GNAL: variants seen among roughly 807,000 people sequenced by gnomAD.
GNAL encodes G protein subunit alpha L.
GNAL carries 18 observed loss-of-function variants against 55.1 expected under a neutral mutation model. That is an observed-to-expected ratio of 0.33 (90% CI 0.23 to 0.48). GNAL has a LOEUF of 0.48. Among genes scored for constraint, GNAL ranks in the 20% least tolerant of loss-of-function variants. The pLI, the probability that GNAL is intolerant of heterozygous loss-of-function variation, is 0.99. For synonymous variants in GNAL, 253 were observed against 237.0 expected (o/e 1.07, Z -0.62); for missense variants, 412 against 614.1 (o/e 0.67, Z 3.48).
chr18:11,848,929 C>T (rs1026728928), intron 5 of GNAL, among the ~76,000 whole-genome samples: 2 of 152,206 alleles, frequency 1.3e-5, no homozygotes, highest in Admixed American at 1.3e-4. Flanking sequence ...GGTCCCAATA[C>T]ATCCATGGAA....
At position 11,884,710 on chromosome 18, in the gene GNAL, T is replaced by C; in HGVS notation, c.*3575T>C. On this transcript the variant is annotated 3_prime_UTR_variant, in exon 12 of 12. Coordinates refer to ENST00000334049, the MANE Select transcript of GNAL (RefSeq NM_182978.4). ...GTCTTAGAAACAGCAGAGGGAAGAC[T>C]GCCTTCTCAGGTCCCCCTCAGGTGA... 4.1e-6 allele frequency: 6 copies of C among 1,454,326 alleles called. No homozygotes were observed. The allele number at this position is 1,454,326 out of a possible 1,614,324, so 90.1% of individuals were successfully genotyped here. A position where few individuals can be genotyped will look rare whatever the true frequency, so the allele number is the denominator to read the frequency against.
intron 5 of GNAL, among the ~76,000 whole-genome samples, chr18:11,827,738 G>A (rs1235490054): frequency 6.6e-6 from 1 of 152,172 alleles, no homozygotes; most frequent in African/African-American, 2.4e-5. Context: ...TTGGGAGGCC[G>A]AGATGGGCAG....
In GNAL at chr18:11,785,059, T is replaced by C. The variant is rs78921649; in HGVS notation, c.624+31114T>C. Among the ~76,000 whole-genome samples, 767 of 152,330 alleles carry C rather than the reference T, an allele frequency of 5.0e-3. 4 individuals carry two copies. The highest frequency in any genetic ancestry group is 0.017 in the African/African-American group (726 of 41,576). On this transcript the variant is annotated intron_variant, in intron 4 of 11. Coordinates refer to ENST00000334049, the MANE Select transcript of GNAL (RefSeq NM_182978.4). ...TAGTTTCTGCAAAGTCTGGAATTGC[T>C]GTGATTCATACTTTTTCCCAGTCCC...
chr18:11,869,077 G>T (rs906903987), intron 9 of GNAL, among the ~76,000 whole-genome samples: 2 of 152,118 alleles, frequency 1.3e-5, no homozygotes, highest in Non-Finnish European at 2.9e-5. Context: ...ATCCAGAACC[G>T]TACGAAGTAT....
chr18:11,795,804 G>A (rs1257849714), intron 4 of GNAL, among the ~76,000 whole-genome samples: 1 of 152,206 alleles, frequency 6.6e-6, no homozygotes, highest in Non-Finnish European at 1.5e-5. Flanking sequence ...TCCCTGTGTT[G>A]AAGGTCTGGA....
chr18:11,719,501 CTG>C (rs1481096452), intron 1 of GNAL, among the ~76,000 whole-genome samples: 1 of 152,188 alleles, frequency 6.6e-6, no homozygotes, highest in Non-Finnish European at 1.5e-5. Context: ...CAGAGGGAAA[CTG>C]AGACCATCAG....
rs112483187 is a variant in GNAL, at chr18:11,746,345, C to T, written c.377-6508C>T. On this transcript the variant is annotated intron_variant, in intron 1 of 11. Transcript: ENST00000334049. Reference sequence around the variant, plus strand: ...GAATTTAATGCCAGGTGCAGTGGCTCACACCTGTAATCCCAGCACTTTGGG... The same window carrying T: ...GAATTTAATGCCAGGTGCAGTGGCTTACACCTGTAATCCCAGCACTTTGGG... 3.1e-3 allele frequency: 967 copies of T among 314,010 alleles called. 7 individuals carry two copies. The highest frequency in any genetic ancestry group is 0.019 in the African/African-American group (874 of 45,988). 19.5% of individuals were successfully genotyped at this position (314,010 alleles called of 1,614,324 possible). A position where few individuals can be genotyped will look rare whatever the true frequency, so the allele number is the denominator to read the frequency against.
chr18:11,754,320 G>A (rs932621133), intron 4 of GNAL, among the ~76,000 whole-genome samples: 13 of 152,026 alleles, frequency 8.6e-5, no homozygotes, highest in African/African-American at 3.1e-4. Context: ...AAGAGGCTGA[G>A]GCAGGGGAAT....
intron 5 of GNAL, among the ~76,000 whole-genome samples, chr18:11,842,932 T>C (rs979256586): frequency 3.3e-5 from 5 of 152,216 alleles, no homozygotes; most frequent in African/African-American, 1.2e-4. Flanking sequence ...GTTGAGTGAC[T>C]TTAGGGTGTT....
intron 4 of GNAL, among the ~76,000 whole-genome samples, chr18:11,775,624 C>CA (rs1180554132): frequency 3.3e-5 from 5 of 152,168 alleles, no homozygotes; most frequent in African/African-American, 1.2e-4. Context: ...AGAGAAGTAC[C>CA]ACGGACAGCA....
intron 4 of GNAL, among the ~76,000 whole-genome samples, chr18:11,759,634 G>C (rs546239220): frequency 6.6e-6 from 1 of 152,374 alleles, no homozygotes; most frequent in South Asian, 2.1e-4. Context: ...CCGAGAGCCA[G>C]ACGGCCTGGT....
At chr18:11,801,449 A>G (rs2034520176) in intron 4 of GNAL, among the ~76,000 whole-genome samples, 1 of 152,152 alleles carries the variant, frequency 6.6e-6, no homozygotes, top group African/African-American at 2.4e-5. Context: ...GCAACTAGGG[A>G]GGCTGAGACA....
Position 11,829,788 on chromosome 18 carries a change from T to C in GNAL, c.722+4773T>C, listed in dbSNP as rs1428166304. Among the ~76,000 whole-genome samples, 3 of 152,140 alleles carry C rather than the reference T, an allele frequency of 2.0e-5. No homozygotes were observed. In the East Asian group the frequency reaches 5.8e-4, roughly 29 times the overall value. ...ACTTTGGGAGGCCGAGGCGGGTAGA[T>C]CACTTGAGGTCAGGAGTTCGAGACC... On this transcript the variant is annotated intron_variant, in intron 5 of 11. Coordinates refer to ENST00000334049, the MANE Select transcript of GNAL (RefSeq NM_182978.4).
chr18:11,763,927 T>C (rs904575740), intron 4 of GNAL, among the ~76,000 whole-genome samples: 4 of 152,160 alleles, frequency 2.6e-5, no homozygotes, highest in South Asian at 2.1e-4. Flanking sequence ...TGAGGTTTTG[T>C]ATTTGGAGCA....
At chr18:11,848,810 C>G (rs2143769856) in intron 5 of GNAL, among the ~76,000 whole-genome samples, 1 of 152,276 alleles carries the variant, frequency 6.6e-6, no homozygotes, top group East Asian at 1.9e-4. Context: ...GCAACTCTGT[C>G]TTCTCAAAAA....
chr18:11,857,734 G>C, intron 5 of GNAL: 1 of 985,380 alleles, frequency 1.0e-6, no homozygotes, highest in Non-Finnish European at 1.2e-6. Flanking sequence ...TTAAGGAGCA[G>C]GGAATCTTAA....
At chr18:11,849,057 G>A (rs538322496) in intron 5 of GNAL, among the ~76,000 whole-genome samples, 1 of 152,180 alleles carries the variant, frequency 6.6e-6, no homozygotes, top group Admixed American at 6.5e-5. Flanking sequence ...TAGGGTTTGC[G>A]AAGCTGAAAT....
intron 11 of GNAL, among the ~76,000 whole-genome samples, chr18:11,879,783 T>C (rs984482365): frequency 2.6e-5 from 4 of 152,208 alleles, no homozygotes; most frequent in Admixed American, 2.0e-4. Flanking sequence ...TGATTCGTAA[T>C]GTCTAACCCT....
Position 11,752,694 on chromosome 18 carries a change from C to A in GNAL, c.377-159C>A. 1 of 1,243,650 alleles carries A rather than the reference C, an allele frequency of 8.0e-7. No individual in the cohort carries two copies. Among genetic ancestry groups the A allele is most frequent in the Non-Finnish European group, 1.1e-6 (1 of 926,090 alleles). 77.0% of individuals were successfully genotyped at this position (1,243,650 alleles called of 1,614,324 possible). On this transcript the variant is annotated intron_variant, in intron 1 of 11. Coordinates refer to ENST00000334049, the MANE Select transcript of GNAL (RefSeq NM_182978.4). This position sits in a 1 kb window ranked among gnomAD's most constrained non-coding sequence, Gnocchi z 4.5. Reference sequence around the variant, plus strand: ...GAGGGTCGCGCGCACCTCTGGGCCGCGGAGCCCAGACGGCGGCCGGGGCGA... The same window carrying A: ...GAGGGTCGCGCGCACCTCTGGGCCGAGGAGCCCAGACGGCGGCCGGGGCGA...
Sources: allele counts gnomAD v4.1 joint callset (sites outside exome capture counted in the v4.1 genomes callset), GRCh38; gene constraint gnomAD v4.1.1; non-coding constraint Gnocchi (gnomAD v3.1); transcripts MANE v1.5; gene names NCBI Gene and HGNC (gene_info 2026-07-23, HGNC 2026-07-21).